F2: variants seen among roughly 807,000 people sequenced by gnomAD.
F2 encodes coagulation factor II, thrombin.
F2 carries 34 observed loss-of-function variants against 81.9 expected under a neutral mutation model. The ratio of observed to expected loss-of-function variants is 0.42; its 90% CI spans 0.32 to 0.55. F2 has a LOEUF of 0.55. F2 is among the 20% of genes least tolerant of loss of function. F2 has a pLI of 0.18. For missense variants in F2, 630 were observed against 833.4 expected (o/e 0.76, Z 3.00); for synonymous variants, 296 against 326.4 (o/e 0.91, Z 1.01).
In F2 at chr11:46,728,913, C is replaced by T. The variant is rs148188973; in HGVS notation, c.1472+76C>T. 179 of 1,522,370 alleles carry T rather than the reference C, an allele frequency of 1.2e-4. No homozygotes were observed. The African/African-American group carries it at 2.3e-3, about 20-fold the overall frequency. The allele number at this position is 1,522,370 out of a possible 1,614,324, so 94.3% of individuals were successfully genotyped here. On this transcript the variant is annotated intron_variant, in intron 11 of 13. Transcript: ENST00000311907. This position sits in a 1 kb window ranked among gnomAD's most constrained non-coding sequence, Gnocchi z 5.1. Reference sequence around the variant, plus strand: ...CTGGCTCTGATACCAAGTAGCCTTGCAAGAGCCCCTTTCCCTTTTCCAGGC... The same window carrying T: ...CTGGCTCTGATACCAAGTAGCCTTGTAAGAGCCCCTTTCCCTTTTCCAGGC...
chr11:46,719,867 G>C lies in F2; in HGVS notation c.240+5G>C, dbSNP rs1348454640. ...CTGGAGTCCTCCACGGCTACGGTGA[G>C]CCTGGGCTGCTCGGACGGTGCCGGG... is the stretch of plus-strand genomic sequence containing the variant. On this transcript the variant is annotated splice_donor_5th_base_variant and intron_variant, in intron 2 of 13. Transcript: ENST00000311907. This position sits in a 1 kb window ranked among gnomAD's most constrained non-coding sequence, Gnocchi z 4.7. 1.3e-6 allele frequency: 2 copies of C among 1,560,472 alleles called. No homozygotes were observed. Among genetic ancestry groups the C allele is most frequent in the Non-Finnish European group, 8.7e-7 (1 of 1,153,356 alleles).
chr11:46,723,744 G>T lies in F2; in HGVS notation c.559+226G>T, dbSNP rs2064854226. Among the ~76,000 whole-genome samples, 1 of 152,104 alleles carries T rather than the reference G, an allele frequency of 6.6e-6. No homozygotes were observed. Among genetic ancestry groups the T allele is most frequent in the South Asian group, 2.1e-4 (1 of 4,824 alleles). ...CGTCTCTACTAAAAATACAAAAATT[G>T]CCAGGCGTGGTGGTGGGCGCCTGTA... On this transcript the variant is annotated intron_variant, in intron 6 of 13. Transcript: ENST00000311907. This position sits in a 1 kb window ranked among gnomAD's most constrained non-coding sequence, Gnocchi z 5.6.
chr11:46,726,225 A>G lies in F2; in HGVS notation c.874+52A>G, dbSNP rs376370533. ...GTTGCAGGGACAAATCCTGGTGGGA[A>G]TAACAACAGCCGCTTCTGCTTATCG... On this transcript the variant is annotated intron_variant, in intron 7 of 13. Transcript: ENST00000311907. This position sits in a 1 kb window ranked among gnomAD's most constrained non-coding sequence, Gnocchi z 5.9. 6,257 of 1,602,570 alleles carry G rather than the reference A, an allele frequency of 3.9e-3. 20 individuals carry two copies. Among genetic ancestry groups the G allele is most frequent in the Middle Eastern group, 5.3e-3 (32 of 6,042 alleles).
chr11:46,733,322 G>C (rs556162399), intron 12 of F2, among the ~76,000 whole-genome samples: 65 of 152,230 alleles, frequency 4.3e-4, no homozygotes, highest in Admixed American at 7.2e-4. Flanking sequence ...TCCCACTTTA[G>C]CCTCCCGAGT....
Position 46,739,045 on chromosome 11 carries a change from AAG to A in F2, c.1655-2_1655-1del. ...TGAGCACAGACGGCTGTTCTCTTTC[AAG>A]GTTACAAGCCTGATGAAGGGAAACG... On this transcript the variant is annotated splice_acceptor_variant, in intron 12 of 13. Coordinates refer to ENST00000311907, the MANE Select transcript of F2 (RefSeq NM_000506.5). LOFTEE classifies it high-confidence loss of function. The A allele has an allele frequency of 6.2e-7, 1 of 1,613,724 alleles. No homozygotes were observed. Among genetic ancestry groups the A allele is most frequent in the Non-Finnish European group, 8.5e-7 (1 of 1,179,596 alleles).
chr11:46,728,846 C>T lies in F2; in HGVS notation c.1472+9C>T, dbSNP rs886048336. Reference sequence around the variant, plus strand: ...AGGGAGACGGCAGCCAGGTGGGCCACCAGATGCTTGTTAGCTGAGGGGCAG... The same window carrying T: ...AGGGAGACGGCAGCCAGGTGGGCCATCAGATGCTTGTTAGCTGAGGGGCAG... On this transcript the variant is annotated intron_variant, in intron 11 of 13. Transcript: ENST00000311907. This position sits in a 1 kb window ranked among gnomAD's most constrained non-coding sequence, Gnocchi z 5.1. 3 of 1,612,986 alleles carry T rather than the reference C, an allele frequency of 1.9e-6. No homozygotes were observed. Among genetic ancestry groups the T allele is most frequent in the Non-Finnish European group, 2.5e-6 (3 of 1,179,576 alleles).
At chr11:46,729,688 C>A in intron 12 of F2, 127 bp downstream of exon 12, 1 of 1,041,018 alleles carries the variant, frequency 9.6e-7, no homozygotes, top group East Asian at 2.5e-5. Context: ...GTTTCTTCCT[C>A]TGTAAAATGG....
intron 2 of F2, chr11:46,720,206 C>T (rs995644556): frequency 2.2e-5 from 12 of 545,590 alleles, no homozygotes; most frequent in African/African-American, 5.7e-5. Context: ...CACAAGCCCC[C>T]GGGCTCAAGA....
intron 12 of F2, among the ~76,000 whole-genome samples, chr11:46,736,735 G>T (rs2064946429): frequency 6.6e-6 from 1 of 152,216 alleles, no homozygotes; most frequent in Admixed American, 6.5e-5. Flanking sequence ...AGCGTACATA[G>T]CTGGGAAGGC....
At position 46,719,242 on chromosome 11, in the gene F2, C is replaced by G. The variant is rs773112047; in HGVS notation, c.7C>G (p.His3Asp). ...ACCCAGGAGCTGACACACTATGGCG[C>G]ACGTCCGAGGCTTGCAGCTGCCTGG... MA[H>D]VRGLQLPGCL... The change falls in exon 1 of 14, where the codon CAC (histidine) becomes GAC (aspartate). Residue 3 changes from histidine (H) to aspartate (D), a missense_variant. Physicochemically the swap from His to Asp is moderately conservative, Grantham distance 81 (BLOSUM62 -1). Transcript: ENST00000311907. This position sits in a 1 kb window ranked among gnomAD's most constrained non-coding sequence, Gnocchi z 4.7. 1 of 1,613,892 alleles carries G rather than the reference C, an allele frequency of 6.2e-7. No homozygotes were observed.
chr11:46,738,088 C>T (rs1428399131), intron 12 of F2, among the ~76,000 whole-genome samples: 2 of 152,092 alleles, frequency 1.3e-5, no homozygotes, highest in Admixed American at 1.3e-4. Context: ...ACCTCCACCT[C>T]CACCTCCCAG....
Position 46,719,928 on chromosome 11 carries a change from G to A in F2, c.240+66G>A. On this transcript the variant is annotated intron_variant, in intron 2 of 13. Coordinates refer to ENST00000311907, the MANE Select transcript of F2 (RefSeq NM_000506.5). The surrounding 1 kb of genome is among the most constrained non-coding windows in gnomAD (Gnocchi z 4.7). ...GGGCCCAACTCTAGACACTTCCACAGAGAAGCAAGCGAGGAACGCCACAGC... is the reference window on the plus strand; with the variant it reads ...GGGCCCAACTCTAGACACTTCCACAAAGAAGCAAGCGAGGAACGCCACAGC... The A allele has an allele frequency of 6.5e-7, 1 of 1,534,848 alleles. No homozygotes were observed. The highest frequency in any genetic ancestry group is 1.2e-5 in the South Asian group (1 of 83,832).
intron 3 of F2, 64 bp from the exon 4 acceptor site, chr11:46,720,726 C>T: frequency 1.3e-6 from 2 of 1,588,438 alleles, no homozygotes; most frequent in South Asian, 1.1e-5. Context: ...ATCCCATCCA[C>T]CCTGACTCCA....
In F2 at chr11:46,739,285, G is replaced by T; in HGVS notation, c.1746G>T (p.Trp582Cys). The change falls in exon 14 of 14, where the codon TGG (tryptophan) becomes TGT (cysteine). Residue 582 changes from tryptophan (W) to cysteine (C), a missense_variant. Transcript: ENST00000311907. ...FVMKSPFNNR[W>C]YQMGIVSWGE... is the part of the protein sequence containing the mutation. ...TTCAGAGCCCCTTTAACAACCGCTG[G>T]TATCAAATGGGCATCGTCTCATGGG... is the stretch of plus-strand genomic sequence containing the variant. 6.2e-7 allele frequency: 1 copy of T among 1,614,078 alleles called. No individual in the cohort carries two copies. Among genetic ancestry groups the T allele is most frequent in the Non-Finnish European group, 8.5e-7 (1 of 1,180,014 alleles).
intron 12 of F2, among the ~76,000 whole-genome samples, chr11:46,731,573 G>GA (rs35768741): frequency 0.15 from 19,500 of 131,492 alleles, 1,497 homozygotes; most frequent in Middle Eastern, 0.2. Context: ...CTTTTATAGG[G>GA]AAAAAAAAAA....
rs570127999 is a variant in F2, at chr11:46,726,925, G to T, written c.1130+88G>T. ...CCCTCAGGCCCTGCCTGCAGGCCTG[G>T]GCTTTACAGATGACAACAGCTGAGC... On this transcript the variant is annotated intron_variant, in intron 9 of 13. Transcript: ENST00000311907. This position sits in a 1 kb window ranked among gnomAD's most constrained non-coding sequence, Gnocchi z 5.9. 1.0e-5 allele frequency: 16 copies of T among 1,587,462 alleles called. No individual in the cohort carries two copies. Among genetic ancestry groups the T allele is most frequent in the Middle Eastern group, 3.4e-4 (2 of 5,902 alleles).
chr11:46,739,360 C>T lies in F2; in HGVS notation c.1821C>T (p.Phe607=). The T allele has an allele frequency of 6.2e-7, 1 of 1,614,114 alleles. No homozygotes were observed. Among genetic ancestry groups the T allele is most frequent in the Non-Finnish European group, 8.5e-7 (1 of 1,180,020 alleles). Residue 607 remains phenylalanine, a synonymous_variant, in exon 14 of 14, where the codon TTC becomes TTT. Coordinates refer to ENST00000311907, the MANE Select transcript of F2 (RefSeq NM_000506.5). ...AATATGGCTTCTACACACATGTGTTCCGCCTGAAGAAGTGGATACAGAAGG... is the reference window on the plus strand; with the variant it reads ...AATATGGCTTCTACACACATGTGTTTCGCCTGAAGAAGTGGATACAGAAGG... The part of the protein sequence containing the change: ...DGKYGFYTHV[F]RLKKWIQKVI...
In F2 at chr11:46,725,759, C is replaced by T. The variant is rs2064867424; in HGVS notation, c.560-100C>T. 2.9e-6 allele frequency: 4 copies of T among 1,376,060 alleles called. No homozygotes were observed. The East Asian group carries it at 9.1e-5, about 31-fold the overall frequency. The allele number at this position is 1,376,060 out of a possible 1,614,324, so 85.2% of individuals were successfully genotyped here. A position where few individuals can be genotyped will look rare whatever the true frequency, so the allele number is the denominator to read the frequency against. On this transcript the variant is annotated intron_variant, in intron 6 of 13. Transcript: ENST00000311907. ...AGAGAGGTTAAGTAACCTGAGGTCA[C>T]ACAGGCAGAAAGCAGCAAGACCGGG...
chr11:46,737,689 C>T (rs1393479827), intron 12 of F2, among the ~76,000 whole-genome samples: 1 of 152,104 alleles, frequency 6.6e-6, no homozygotes, highest in Non-Finnish European at 1.5e-5. Context: ...CCGCCTGCCT[C>T]AGCCTCCCAA....
Sources: gnomAD v4.1 joint callset for allele counts (sites outside exome capture counted in the v4.1 genomes callset) on GRCh38, gnomAD v4.1.1 for gene constraint, Gnocchi (gnomAD v3.1) non-coding constraint, MANE v1.5 for transcripts, NCBI Gene and HGNC (gene_info 2026-07-23, HGNC 2026-07-21) for gene names.